Variants in DISC1 observed in about 807,000 individuals in gnomAD.
The protein encoded by DISC1 is DISC1 scaffold protein.
DISC1 carries 57 observed loss-of-function variants against 84.5 expected under a neutral mutation model. The ratio of observed to expected loss-of-function variants is 0.67; its 90% confidence interval spans 0.55 to 0.84. DISC1 has a LOEUF of 0.84. Ranked by LOEUF, DISC1 falls within the 40% of genes least tolerant of loss-of-function variation. The pLI, the probability that DISC1 is intolerant of heterozygous loss-of-function variation, is 0.00. For synonymous variants in DISC1, 411 were observed against 415.2 expected (o/e 0.99, Z 0.12); for missense variants, 1,000 against 1,057.8 (o/e 0.95, Z 0.76).
intron 9 of DISC1, chr1:231,854,823 TCTC>T (rs1361661821): frequency 3.4e-6 from 1 of 297,104 alleles, no homozygotes; most frequent in Non-Finnish European, 7.3e-6. Context: ...TTCAAGCAAT[TCTC>T]CTGCCTCAGC....
intron 9 of DISC1, among the ~76,000 whole-genome samples, chr1:231,836,817 C>T (rs1396421005): frequency 6.6e-6 from 1 of 152,188 alleles, no homozygotes; most frequent in Admixed American, 6.5e-5. Context: ...CTAAGCCCCG[C>T]CCCGCCCCTC....
chr1:232,009,013 C>G lies in DISC1; in HGVS notation c.2271C>G (p.Ile757Met). ...KVLEEWKTHL[I>M]PSLHCAGGEQ... Reference sequence around the variant, plus strand: ...TGGAAGAATGGAAGACTCACCTCATCCCCTCTCTGCACTGTGCTGGAGGTG... The same window carrying G: ...TGGAAGAATGGAAGACTCACCTCATGCCCTCTCTGCACTGTGCTGGAGGTG... Residue 757 changes from isoleucine (I) to methionine (M), a missense_variant, in exon 11 of 13, where the codon ATC becomes ATG. By Grantham distance (10) the Ile-to-Met change is conservative (BLOSUM62 1). Coordinates refer to ENST00000439617, the MANE Select transcript of DISC1 (RefSeq NM_018662.3). The surrounding 1 kb of genome is among the most constrained non-coding windows in gnomAD (Gnocchi z 4.6). The G allele has an allele frequency of 6.2e-7, 1 of 1,613,914 alleles. No individual in the cohort carries two copies. The highest frequency in any genetic ancestry group is 8.5e-7 in the Non-Finnish European group (1 of 1,179,836).
Position 231,698,693 on chromosome 1 carries a change from G to C in DISC1, c.1048-3262G>C, listed in dbSNP as rs1390170520. The stretch of plus-strand genomic sequence containing the variant: ...AATTTTTTTCCTGACCTTGTTTCCT[G>C]CATTTCTTCAGCTTCTGTTCTAATA... On this transcript the variant is annotated intron_variant, in intron 2 of 12. Transcript: ENST00000439617. The surrounding 1 kb of genome is among the most constrained non-coding windows in gnomAD (Gnocchi z 4.9). Among the ~76,000 whole-genome samples, 1 of 152,118 alleles carries C rather than the reference G, an allele frequency of 6.6e-6. No individual in the cohort carries two copies. The highest frequency in any genetic ancestry group is 1.9e-4 in the East Asian group (1 of 5,188).
intron 1 of DISC1, among the ~76,000 whole-genome samples, chr1:231,653,912 A>G (rs919144629): frequency 6.6e-6 from 1 of 152,358 alleles, no homozygotes; most frequent in Non-Finnish European, 1.5e-5. Context: ...AGAAGCTCCC[A>G]TTTAGAACAG....
At chr1:231,966,888 C>T (rs563239062) in intron 10 of DISC1, among the ~76,000 whole-genome samples, 110 of 152,266 alleles carry the variant, frequency 7.2e-4, no homozygotes, top group African/African-American at 2.5e-3. Flanking sequence ...CTTTTATCAT[C>T]AGAAAAGACA....
At chr1:231,719,520 T>G (rs1021807019) in intron 3 of DISC1, among the ~76,000 whole-genome samples, 9 of 152,226 alleles carry the variant, frequency 5.9e-5, no homozygotes, top group African/African-American at 2.2e-4. Flanking sequence ...TGTATAAGCT[T>G]GGACAAATTA....
intron 10 of DISC1, among the ~76,000 whole-genome samples, chr1:231,990,490 T>C (rs767396686): frequency 6.6e-6 from 1 of 151,990 alleles, no homozygotes; most frequent in Non-Finnish European, 1.5e-5. Flanking sequence ...ATAGGAAACA[T>C]ATGTGATTGT....
rs537118070 is a variant in DISC1 at position 231,975,960 on chromosome 1, C to T, written c.2042+17072C>T. Among the ~76,000 whole-genome samples the T allele has an allele frequency of 4.3e-4, 66 of 152,250 alleles. No homozygotes were observed. In the South Asian group the frequency reaches 0.012, roughly 27 times the overall value. On this transcript the variant is annotated intron_variant, in intron 10 of 12. Coordinates refer to ENST00000439617, the MANE Select transcript of DISC1 (RefSeq NM_018662.3). Reference sequence around the variant, plus strand: ...GCATGTAACAAAATTGCCCTTGTACCGCATACATTTATTCAAATAGAAAAT... The same window carrying T: ...GCATGTAACAAAATTGCCCTTGTACTGCATACATTTATTCAAATAGAAAAT...
At position 231,658,107 on chromosome 1, in the gene DISC1, C is replaced by T. The variant is rs549987978; in HGVS notation, c.67+31173C>T. 1.1e-4 allele frequency among the ~76,000 whole-genome samples: 17 copies of T among 152,298 alleles called. No homozygotes were observed. The South Asian group carries it at 3.5e-3, about 32-fold the overall frequency. On this transcript the variant is annotated intron_variant, in intron 1 of 12. Transcript: ENST00000439617. The stretch of plus-strand genomic sequence containing the variant: ...TTTCATGATATTGATTCTTCCTGTT[C>T]ATGAGCATGGAATGTTTCTCCATTT...
chr1:231,861,823 G>A lies in DISC1; in HGVS notation c.1981+43306G>A, dbSNP rs372306519. Among the ~76,000 whole-genome samples the A allele has an allele frequency of 2.6e-4, 39 of 152,220 alleles. No individual in the cohort carries two copies. The South Asian group carries it at 8.1e-3, about 32-fold the overall frequency. On this transcript the variant is annotated intron_variant, in intron 9 of 12. Transcript: ENST00000439617. Reference sequence around the variant, plus strand: ...AGTCTGATTGAGATATTACCTCATAGTAGATTACTTTCCCATTAATGTTTG... The same window carrying A: ...AGTCTGATTGAGATATTACCTCATAATAGATTACTTTCCCATTAATGTTTG...
In DISC1 at chr1:231,772,717, C is replaced by T. The variant is rs570139298; in HGVS notation, c.1634+1647C>T. Among the ~76,000 whole-genome samples, 11 of 152,284 alleles carry T rather than the reference C, an allele frequency of 7.2e-5. No homozygotes were observed. In the East Asian group the frequency reaches 9.7e-4, roughly 13 times the overall value. ...GTCTTCTGAAGGCCTTCAAACTACC[C>T]GTCCAAATATATCTTACTGTATTTA... is the stretch of plus-strand genomic sequence containing the variant. On this transcript the variant is annotated intron_variant, in intron 6 of 12. Transcript: ENST00000439617.
intron 10 of DISC1, among the ~76,000 whole-genome samples, chr1:231,994,153 G>A (rs1665594640): frequency 6.6e-6 from 1 of 152,230 alleles, no homozygotes; most frequent in Admixed American, 6.5e-5. Context: ...ATTTGGGAAG[G>A]TCTTGCCTGG....
At chr1:231,936,323 TCCCAGCATCTAGC>T (rs2090978179) in intron 9 of DISC1, among the ~76,000 whole-genome samples, 1 of 152,148 alleles carries the variant, frequency 6.6e-6, no homozygotes, top group Non-Finnish European at 1.5e-5. Flanking sequence ...TACCTAGTTT[TCCCAGCATCTAGC>T]CCCAGTTCCT....
intron 10 of DISC1, among the ~76,000 whole-genome samples, chr1:231,991,001 A>G (rs1665129183): frequency 6.6e-6 from 1 of 152,238 alleles, no homozygotes; most frequent in African/African-American, 2.4e-5. Flanking sequence ...ATGGTAAGCC[A>G]TCAGCCTCGC....
chr1:232,015,790 C>T (rs932895946), intron 11 of DISC1, among the ~76,000 whole-genome samples: 1 of 152,154 alleles, frequency 6.6e-6, no homozygotes, highest in African/African-American at 2.4e-5. Flanking sequence ...TCGTTTAATG[C>T]CTTCCATTCT....
At chr1:231,639,364 C>A (rs1052867574) in intron 1 of DISC1, among the ~76,000 whole-genome samples, 6 of 152,184 alleles carry the variant, frequency 3.9e-5, no homozygotes, top group Admixed American at 2.6e-4. Context: ...TGGGGCACTG[C>A]AGCATCCCCC....
intron 10 of DISC1, among the ~76,000 whole-genome samples, chr1:231,961,664 G>A (rs909441954): frequency 6.6e-6 from 1 of 152,102 alleles, no homozygotes; most frequent in African/African-American, 2.4e-5. Flanking sequence ...AATTTGCTTA[G>A]AATAATGGCC....
At chr1:231,944,147 C>T (rs926840926) in intron 9 of DISC1, among the ~76,000 whole-genome samples, 11 of 152,170 alleles carry the variant, frequency 7.2e-5, no homozygotes, top group Non-Finnish European at 1.6e-4. Flanking sequence ...AACCCAGCCT[C>T]CAGCTCTATT....
chr1:231,832,228 G>A (rs571900575), intron 9 of DISC1, among the ~76,000 whole-genome samples: 1 of 152,262 alleles, frequency 6.6e-6, no homozygotes, highest in Admixed American at 6.5e-5. Context: ...GAACTGTAGA[G>A]AGTGAGTTGA....
Sources: allele counts gnomAD v4.1 joint callset (sites outside exome capture counted in the v4.1 genomes callset), GRCh38; gene constraint gnomAD v4.1.1; non-coding constraint Gnocchi (gnomAD v3.1); transcripts MANE v1.5; gene names NCBI Gene and HGNC (gene_info 2026-07-23, HGNC 2026-07-21).